The following MECOM variants were observed in gnomAD, a reference collection of about 807,000 sequenced individuals.
The protein encoded by MECOM is histone-lysine N-methyltransferase MECOM.
MECOM carries 13 observed loss-of-function variants against 116.3 expected under a neutral mutation model. The observed-to-expected ratio is 0.11, with a 90% CI of 0.07 to 0.18. The LOEUF (loss-of-function observed/expected upper bound fraction) is 0.18. Among genes scored for constraint, MECOM ranks in the 10% least tolerant of loss-of-function variants. MECOM has a pLI of 1.00. For missense variants in MECOM, 1,299 were observed against 1,509.0 expected, an observed-to-expected ratio of 0.86 and a Z score of 2.31; for synonymous variants, 528 against 535.2, an observed-to-expected ratio of 0.99 and a Z score of 0.19.
In MECOM at chr3:169,089,194, C is replaced by A; in HGVS notation, c.3402-11G>T. ...TCTTCCTCTTTATACCTAAAATGAA[C>A]CAACGAAAAACACAGAAATTTTCTT... On this transcript the variant is annotated splice_polypyrimidine_tract_variant and intron_variant, in intron 15 of 16. Transcript: ENST00000651503. 6.8e-7 allele frequency: 1 copy of A among 1,478,282 alleles called. No homozygotes were observed. The highest frequency in any genetic ancestry group is 2.6e-5 in the Admixed American group (1 of 38,960). 91.6% of individuals were successfully genotyped at this position (1,478,282 alleles called of 1,614,324 possible). A position where few individuals can be genotyped will look rare whatever the true frequency, so the allele number is the denominator to read the frequency against.
intron 1 of MECOM, among the ~76,000 whole-genome samples, chr3:169,513,617 G>C (rs937240915): frequency 9.9e-5 from 15 of 152,182 alleles, no homozygotes; most frequent in African/African-American, 3.4e-4. Context: ...TAGAGGAGGA[G>C]GGAGAAAGGC....
chr3:169,219,486 G>A (rs995580489), intron 2 of MECOM, among the ~76,000 whole-genome samples: 2 of 152,144 alleles, frequency 1.3e-5, no homozygotes, highest in African/African-American at 2.4e-5. Context: ...CAGCCTGGGC[G>A]ACAGAGCGAG....
chr3:169,335,021 G>A (rs1723365079), intron 2 of MECOM, among the ~76,000 whole-genome samples: 1 of 152,170 alleles, frequency 6.6e-6, no homozygotes, highest in African/African-American at 2.4e-5. Context: ...GCTGGCCTGT[G>A]GCAAATAAGA....
chr3:169,222,041 C>T (rs1443063601), intron 2 of MECOM, among the ~76,000 whole-genome samples: 2 of 152,030 alleles, frequency 1.3e-5, no homozygotes, highest in Non-Finnish European at 2.9e-5. Context: ...TTATCATTTC[C>T]GTAGATCACT....
Position 169,116,737 on chromosome 3 carries a change from C to T in MECOM, c.1135G>A (p.Glu379Lys). The change falls in exon 8 of 17, where the codon GAG becomes AAG. Residue 379 changes from glutamate (E) to lysine (K), a missense_variant and splice_region_variant. Around this residue, in one of 6 missense-constraint regions of MECOM, gnomAD observed 42 missense variants for 103.9 expected, o/e 0.40. Coordinates refer to ENST00000651503, the MANE Select transcript of MECOM (RefSeq NM_004991.4). ...IHSSVKPFIC[E>K]VCHKSYTQFS... The stretch of plus-strand genomic sequence containing the variant: ...TGAGTATAGGATTTATGGCAGACCT[C>T]ACCTGTGTGCAAACAACAAAAAAGA... 1 of 1,578,004 alleles carries T rather than the reference C, an allele frequency of 6.3e-7. No homozygotes were observed.
rs147166810 is a variant in MECOM at position 169,585,924 on chromosome 3, G to C, written c.37+77412C>G. Among the ~76,000 whole-genome samples, 9 of 152,288 alleles carry C rather than the reference G, an allele frequency of 5.9e-5. No homozygotes were observed. The East Asian group carries it at 1.7e-3, about 29-fold the overall frequency. On this transcript the variant is annotated intron_variant, in intron 1 of 16. Transcript: ENST00000651503. ...AAGAACATTCTTAGCAGGTGGTTCTGTATCCTGGGAGGCAAATCCATATTA... is the reference window on the plus strand; with the variant it reads ...AAGAACATTCTTAGCAGGTGGTTCTCTATCCTGGGAGGCAAATCCATATTA...
At chr3:169,283,702 T>C (rs1043292091) in intron 2 of MECOM, among the ~76,000 whole-genome samples, 4 of 152,214 alleles carry the variant, frequency 2.6e-5, no homozygotes, top group African/African-American at 9.6e-5. Context: ...CATTTACATG[T>C]AGGTTCCTTA....
intron 10 of MECOM, 50 bp from the exon 11 acceptor site, chr3:169,102,276 A>G (rs1356919366): frequency 6.5e-7 from 1 of 1,533,132 alleles, no homozygotes; most frequent in Non-Finnish European, 8.8e-7. Flanking sequence ...CTTGTCTTCT[A>G]TAATAATCTC....
At chr3:169,565,497 C>A (rs1353537634) in intron 1 of MECOM, among the ~76,000 whole-genome samples, 1 of 152,198 alleles carries the variant, frequency 6.6e-6, no homozygotes, top group Non-Finnish European at 1.5e-5. Context: ...TTGCTGCCAG[C>A]CTTGGCTGGA....
rs374944867 is a variant in MECOM, at chr3:169,215,287, A to G, written c.376-71455T>C. On this transcript the variant is annotated intron_variant, in intron 2 of 16. Transcript: ENST00000651503. ...AAGCAGACTTTCTTCAAAAGAAGCA[A>G]TTTTACATGGTGTGTAAAACCGACC... Among the ~76,000 whole-genome samples, 62 of 148,654 alleles carry G rather than the reference A, an allele frequency of 4.2e-4. No homozygotes were observed. In the East Asian group the frequency reaches 6.7e-3, roughly 16 times the overall value.
rs543961690 is a variant in MECOM at position 169,214,621 on chromosome 3, A to C, written c.376-70789T>G. Among the ~76,000 whole-genome samples the C allele has an allele frequency of 3.8e-4, 57 of 151,782 alleles. No individual in the cohort carries two copies. In the South Asian group the frequency reaches 5.4e-3, roughly 14 times the overall value. ...CCTGTAAAGAAAGTAATTGACAATGAATTTTTTTAAATGTTGCAGTAGATG... is the reference window on the plus strand; with the variant it reads ...CCTGTAAAGAAAGTAATTGACAATGCATTTTTTTAAATGTTGCAGTAGATG... On this transcript the variant is annotated intron_variant, in intron 2 of 16. Transcript: ENST00000651503.
At chr3:169,381,752 A>G (rs773080694) in intron 1 of MECOM, among the ~76,000 whole-genome samples, 1 of 152,196 alleles carries the variant, frequency 6.6e-6, no homozygotes. Flanking sequence ...CTAATCCTCA[A>G]TTGTCAATAC....
intron 1 of MECOM, among the ~76,000 whole-genome samples, chr3:169,445,429 G>A (rs1292666707): frequency 6.6e-6 from 1 of 152,208 alleles, no homozygotes; most frequent in Non-Finnish European, 1.5e-5. Flanking sequence ...CTTCCAAGTG[G>A]CATTGAGCCT....
chr3:169,123,211 T>G (rs967183057), intron 5 of MECOM, among the ~76,000 whole-genome samples: 9 of 151,284 alleles, frequency 5.9e-5, no homozygotes, highest in African/African-American at 2.2e-4. Flanking sequence ...AGAAAATGCT[T>G]AAAAGTATTC....
chr3:169,663,303 G>C (rs1776573947), intron 1 of MECOM, 33 bp downstream of exon 1: 3 of 1,596,122 alleles, frequency 1.9e-6, no homozygotes, highest in Middle Eastern at 1.7e-4. Context: ...AGAGGAGGGG[G>C]AAAAGCCAAT....
chr3:169,392,156 A>G (rs1734309923), intron 1 of MECOM, among the ~76,000 whole-genome samples: 1 of 152,220 alleles, frequency 6.6e-6, no homozygotes, highest in African/African-American at 2.4e-5. Context: ...ATTTGCAGTT[A>G]GCAGGATTTA....
intron 1 of MECOM, among the ~76,000 whole-genome samples, chr3:169,525,215 A>G (rs1306668895): frequency 6.6e-6 from 1 of 152,242 alleles, no homozygotes; most frequent in Non-Finnish European, 1.5e-5. Flanking sequence ...ATTGTCAGAA[A>G]TTCCAAACTG....
chr3:169,541,151 G>A (rs913888230), intron 1 of MECOM, among the ~76,000 whole-genome samples: 5 of 152,186 alleles, frequency 3.3e-5, no homozygotes, highest in African/African-American at 1.2e-4. Context: ...ACCCTGATTT[G>A]GGGTGAGACC....
intron 2 of MECOM, among the ~76,000 whole-genome samples, chr3:169,318,706 A>G (rs1720239827): frequency 6.6e-6 from 1 of 152,180 alleles, no homozygotes; most frequent in Admixed American, 6.5e-5. Flanking sequence ...GGAAGACAGT[A>G]TGGCGATTCC....
Sources: allele counts gnomAD v4.1 joint callset (sites outside exome capture counted in the v4.1 genomes callset), GRCh38; gene constraint gnomAD v4.1.1; regional missense constraint gnomAD v4.1.1; transcripts MANE v1.5; gene names NCBI Gene and HGNC (gene_info 2026-07-23, HGNC 2026-07-21).